The following RYR2 variants were observed in gnomAD, a reference collection of about 807,000 sequenced individuals.
The protein encoded by RYR2 is ryanodine receptor 2, also known as cardiac muscle ryanodine receptor-calcium release channel.
In RYR2, 227 loss-of-function variants were observed where a neutral mutation model predicts 601.1. That is an observed-to-expected ratio of 0.38 (90% CI 0.34 to 0.42). The LOEUF is 0.42. Ranked by LOEUF, RYR2 falls within the 10% of genes least tolerant of loss-of-function variation. The probability of loss-of-function intolerance (pLI) is 1.00; values close to 1 mark genes in which losing one functional copy is unlikely to be tolerated. For synonymous variants in RYR2, 2,223 were observed against 2,175.1 expected (o/e 1.02, Z -0.61); for missense variants, 4,646 against 6,156.5 (o/e 0.75, Z 8.21).
Position 237,797,902 on chromosome 1 carries a change from C to T in RYR2, c.13957-135C>T, listed in dbSNP as rs1022605726. 2.2e-4 allele frequency: 166 copies of T among 745,350 alleles called. No individual in the cohort carries two copies. The Middle Eastern group carries it at 2.3e-3, about 10-fold the overall frequency. 46.2% of individuals were successfully genotyped at this position (745,350 alleles called of 1,614,324 possible). ...AAGCAGTGTGATCACAGAAGGTGAG[C>T]CACACACTAGATTTTAAGTGATTGT... On this transcript the variant is annotated intron_variant, in intron 96 of 104. Transcript: ENST00000366574.
intron 79 of RYR2, among the ~76,000 whole-genome samples, chr1:237,739,741 A>G (rs375349924): frequency 6.6e-6 from 1 of 152,186 alleles, no homozygotes; most frequent in South Asian, 2.1e-4. Flanking sequence ...TAAATCCACA[A>G]TGAAAGTTTC....
At chr1:237,569,821 A>C (rs1672476059) in intron 29 of RYR2, among the ~76,000 whole-genome samples, 1 of 152,168 alleles carries the variant, frequency 6.6e-6, no homozygotes, top group Admixed American at 6.5e-5. Flanking sequence ...TTAGTGGCTA[A>C]GTTCTAAGAC....
intron 1 of RYR2, among the ~76,000 whole-genome samples, chr1:237,266,356 A>G (rs10925355): frequency 0.17 from 26,418 of 151,664 alleles, 2,842 homozygotes; most frequent in East Asian, 0.54. Flanking sequence ...GTGTGTGTAC[A>G]TGTATGTGTG....
chr1:237,230,611 G>A (rs1365508491), intron 1 of RYR2, among the ~76,000 whole-genome samples: 1 of 152,108 alleles, frequency 6.6e-6, no homozygotes, highest in Non-Finnish European at 1.5e-5. Context: ...TACTGGGAAT[G>A]TTTTTATTTT....
intron 10 of RYR2, among the ~76,000 whole-genome samples, chr1:237,415,220 T>C (rs2150019463): frequency 6.6e-6 from 1 of 152,268 alleles, no homozygotes; most frequent in Middle Eastern, 3.4e-3. Context: ...AAGTCCTGAC[T>C]CCAGATCTGT....
chr1:237,756,851 C>T (rs1692999119), intron 81 of RYR2, among the ~76,000 whole-genome samples: 2 of 152,210 alleles, frequency 1.3e-5, no homozygotes, highest in Admixed American at 1.3e-4. Context: ...TGTTTACACA[C>T]ATAGGTGGCA....
chr1:237,632,535 C>T (rs1680456437), intron 42 of RYR2, among the ~76,000 whole-genome samples: 1 of 151,868 alleles, frequency 6.6e-6, no homozygotes, highest in Non-Finnish European at 1.5e-5. Flanking sequence ...GCTGGGACTA[C>T]AGGCGCCCAC....
rs540867232 is a variant in RYR2 at position 237,317,280 on chromosome 1, T to C, written c.169-13598T>C. The stretch of plus-strand genomic sequence containing the variant: ...TGTCTTCACTTAATGGTAAGATCTG[T>C]TCAAAGGCACGTCAACATGGTCAAA... On this transcript the variant is annotated intron_variant, in intron 2 of 104. Transcript: ENST00000366574. 5.9e-5 allele frequency among the ~76,000 whole-genome samples: 9 copies of C among 152,342 alleles called. No homozygotes were observed. In the South Asian group the frequency reaches 1.9e-3, roughly 32 times the overall value.
At chr1:237,261,849 T>G (rs1371507144) in intron 1 of RYR2, among the ~76,000 whole-genome samples, 3 of 152,192 alleles carry the variant, frequency 2.0e-5, no homozygotes, top group African/African-American at 4.8e-5. Context: ...TAGTAGCATC[T>G]CCGATCCCCT....
chr1:237,827,301 A>G (rs1221600972), intron 101 of RYR2, among the ~76,000 whole-genome samples: 1 of 152,140 alleles, frequency 6.6e-6, no homozygotes, highest in East Asian at 1.9e-4. Flanking sequence ...TGTCACAGTC[A>G]ATGAAATTAT....
intron 100 of RYR2, among the ~76,000 whole-genome samples, chr1:237,815,395 C>A (rs992111766): frequency 1.3e-5 from 2 of 152,158 alleles, no homozygotes; most frequent in Non-Finnish European, 2.9e-5. Flanking sequence ...GCACCACAGC[C>A]AACTACATAC....
At chr1:237,698,499 C>A (rs1056301010) in intron 63 of RYR2, among the ~76,000 whole-genome samples, 5 of 151,922 alleles carry the variant, frequency 3.3e-5, no homozygotes, top group African/African-American at 1.2e-4. Flanking sequence ...GGAATTCAGG[C>A]AAATTAATTC....
At chr1:237,382,770 TA>T (rs1701640290) in intron 8 of RYR2, among the ~76,000 whole-genome samples, 1 of 152,140 alleles carries the variant, frequency 6.6e-6, no homozygotes, top group African/African-American at 2.4e-5. Flanking sequence ...TGATCATAAA[TA>T]TTTTCAAGTG....
At chr1:237,064,751 C>CTTTTTTTTTTTTTTTTTTTTTTTTT (rs551797601) in intron 1 of RYR2, among the ~76,000 whole-genome samples, 4 of 110,008 alleles carry the variant, frequency 3.6e-5, no homozygotes, top group African/African-American at 8.0e-5. Flanking sequence ...TAGAACCTGT[C>CTTTTTTTTTTTTTTTTTTTTTTTTT]TTTTTTTTTT....
At chr1:237,801,435 G>C (rs568091502) in intron 97 of RYR2, among the ~76,000 whole-genome samples, 1 of 151,254 alleles carries the variant, frequency 6.6e-6, no homozygotes, top group Non-Finnish European at 1.5e-5. Flanking sequence ...CCAGCTACTC[G>C]GGAGGCTGAG....
chr1:237,286,012 A>G (rs116598280), intron 2 of RYR2, among the ~76,000 whole-genome samples: 1,635 of 151,772 alleles, frequency 0.011, 44 homozygotes, highest in African/African-American at 0.037. Context: ...TTTTCTTTCA[A>G]TTTCATTTAG....
At chr1:237,217,361 G>A (rs919791551) in intron 1 of RYR2, among the ~76,000 whole-genome samples, 1 of 150,268 alleles carries the variant, frequency 6.7e-6, no homozygotes, top group Non-Finnish European at 1.5e-5. Flanking sequence ...TAAACACTGT[G>A]CATGTACCTA....
At position 237,357,059 on chromosome 1, in the gene RYR2, TA is replaced by T. The variant is rs535773869; in HGVS notation, c.294+1077del. Reference sequence around the variant, plus strand: ...TTTCATGTTCTCTTGTCTTTTTTTTTAAATTTTTTTTAGCCCTTTAAAGACA... The same window carrying T: ...TTTCATGTTCTCTTGTCTTTTTTTTTAATTTTTTTTAGCCCTTTAAAGACA... On this transcript the variant is annotated intron_variant, in intron 4 of 104. Coordinates refer to ENST00000366574, the MANE Select transcript of RYR2 (RefSeq NM_001035.3). Among the ~76,000 whole-genome samples the T allele has an allele frequency of 3.6e-3, 547 of 150,012 alleles. 3 individuals are homozygous for T. The highest frequency in any genetic ancestry group is 0.013 in the African/African-American group (510 of 40,448).
intron 1 of RYR2, among the ~76,000 whole-genome samples, chr1:237,113,293 G>C (rs1239221272): frequency 6.6e-6 from 1 of 151,920 alleles, no homozygotes; most frequent in African/African-American, 2.4e-5. Flanking sequence ...CTGCCTCCTG[G>C]GTTCAAGCAA....
Sources: gnomAD v4.1 joint callset for allele counts (sites outside exome capture counted in the v4.1 genomes callset) on GRCh38, gnomAD v4.1.1 for gene constraint, MANE v1.5 for transcripts, NCBI Gene and HGNC (gene_info 2026-07-23, HGNC 2026-07-21) for gene names.